Variants in RARB observed in about 807,000 individuals in gnomAD.
The protein encoded by RARB is retinoic acid receptor beta.
In RARB, 17 loss-of-function variants were observed where a neutral mutation model predicts 51.9. The observed-to-expected ratio is 0.33, with a 90% CI of 0.22 to 0.49. RARB has a LOEUF of 0.49. RARB is among the 20% of genes least tolerant of loss of function. The probability of loss-of-function intolerance (pLI) is 0.99; values close to 1 mark genes in which losing one functional copy is unlikely to be tolerated. For missense variants in RARB, 369 were observed against 550.8 expected, an observed-to-expected ratio of 0.67 and a Z score of 3.30; for synonymous variants, 215 against 195.4, an observed-to-expected ratio of 1.10 and a Z score of -0.84.
At chr3:25,203,895 C>T (rs966753356) in intron 5 of RARB, among the ~76,000 whole-genome samples, 7 of 152,116 alleles carry the variant, frequency 4.6e-5, no homozygotes, top group Non-Finnish European at 7.4e-5. Flanking sequence ...ATGAATCTGA[C>T]AATTATGTGT....
chr3:25,357,934 G>A (rs1197285992), intron 5 of RARB, among the ~76,000 whole-genome samples: 1 of 152,128 alleles, frequency 6.6e-6, no homozygotes, highest in Non-Finnish European at 1.5e-5. Context: ...TTTGAAGTCA[G>A]GTAGCATGAT....
intron 5 of RARB, among the ~76,000 whole-genome samples, chr3:25,365,199 CTTTTTTTTTT>C (rs3035063): frequency 1.3e-3 from 95 of 75,450 alleles, no homozygotes; most frequent in Non-Finnish European, 1.8e-3. Context: ...TTCTTTCTTT[CTTTTTTTTTT>C]TTTTTTTTTT....
At chr3:25,124,063 G>C (rs1456346886) in intron 3 of RARB, among the ~76,000 whole-genome samples, 1 of 152,158 alleles carries the variant, frequency 6.6e-6, no homozygotes, top group African/African-American at 2.4e-5. Context: ...GGGAGGGAGT[G>C]GAAAGGATGT....
chr3:25,141,635 A>G (rs771448317), intron 4 of RARB, among the ~76,000 whole-genome samples: 34 of 152,214 alleles, frequency 2.2e-4, no homozygotes, highest in East Asian at 1.9e-4. Flanking sequence ...CCATTTTCCA[A>G]TCTAGATATT....
intron 1 of RARB, among the ~76,000 whole-genome samples, chr3:25,438,941 C>T (rs1429017309): frequency 6.6e-6 from 1 of 152,180 alleles, no homozygotes; most frequent in Non-Finnish European, 1.5e-5. Context: ...CTATTTTACT[C>T]TTTTGCCCTT....
intron 1 of RARB, among the ~76,000 whole-genome samples, chr3:24,841,614 T>C (rs1020326127): frequency 6.6e-6 from 1 of 152,224 alleles, no homozygotes; most frequent in South Asian, 2.1e-4. Context: ...AAAAAACAAG[T>C]AGACCAACAG....
intron 2 of RARB, among the ~76,000 whole-genome samples, chr3:25,469,362 C>T (rs2125566021): frequency 6.6e-6 from 1 of 152,332 alleles, no homozygotes; most frequent in African/African-American, 2.4e-5. Flanking sequence ...GAACATGATG[C>T]TGTCTTTGGA....
rs1188925219 is a variant in RARB at position 24,987,259 on chromosome 3, T to G, written c.-379-72866T>G. ...AAAATCAACATCTGTTTTTTTTTTATTCCTTCTCCTCCACTTTTCATTAAA... is the reference window on the plus strand; with the variant it reads ...AAAATCAACATCTGTTTTTTTTTTAGTCCTTCTCCTCCACTTTTCATTAAA... On this transcript the variant is annotated intron_variant, in intron 2 of 11. Transcript: ENST00000383772. Among the ~76,000 whole-genome samples, 4 of 152,278 alleles carry G rather than the reference T, an allele frequency of 2.6e-5. No individual in the cohort carries two copies. In the East Asian group the frequency reaches 7.7e-4, roughly 29 times the overall value.
At chr3:25,067,331 C>T (rs1215986769) in intron 3 of RARB, among the ~76,000 whole-genome samples, 1 of 152,024 alleles carries the variant, frequency 6.6e-6, no homozygotes, top group Non-Finnish European at 1.5e-5. Flanking sequence ...TGAAAAGAAG[C>T]AGAGAAGTAC....
At position 25,597,423 on chromosome 3, in the gene RARB, A is replaced by C. The variant is rs188986088; in HGVS notation, c.*807A>C. 6.6e-5 allele frequency: 10 copies of C among 152,440 alleles called. No homozygotes were observed. The highest frequency in any genetic ancestry group is 2.4e-4 in the African/African-American group (10 of 41,412). The allele number at this position is 152,440 out of a possible 1,614,324, so 9.4% of individuals were successfully genotyped here. On this transcript the variant is annotated 3_prime_UTR_variant, in exon 8 of 8. Transcript: ENST00000330688. ...ATAACTACACAGTTAGTTAAAAAAA[A>C]TTTTTTTACAGTAATGATAGCCTCC...
intron 5 of RARB, among the ~76,000 whole-genome samples, chr3:25,221,524 C>T (rs572540311): frequency 6.6e-6 from 1 of 152,290 alleles, no homozygotes; most frequent in Admixed American, 6.5e-5. Flanking sequence ...TTCTCGCTTT[C>T]CTAGACTGAT....
At chr3:25,586,899 C>G (rs1044278218) in intron 5 of RARB, among the ~76,000 whole-genome samples, 2 of 152,222 alleles carry the variant, frequency 1.3e-5, no homozygotes. Flanking sequence ...CGAGGAGGCC[C>G]TGGGTCTCTC....
chr3:25,143,958 G>A (rs1291702129), intron 4 of RARB, among the ~76,000 whole-genome samples: 3 of 152,110 alleles, frequency 2.0e-5, no homozygotes, highest in South Asian at 2.1e-4. Flanking sequence ...AGCTCTAAGT[G>A]GGAGAAATCA....
chr3:25,459,870 A>G (rs1016746326), intron 1 of RARB, among the ~76,000 whole-genome samples: 2 of 152,156 alleles, frequency 1.3e-5, no homozygotes, highest in African/African-American at 4.8e-5. Flanking sequence ...AACCACTTTT[A>G]ATTCTCCTTC....
intron 3 of RARB, among the ~76,000 whole-genome samples, chr3:25,563,874 A>C (rs142438696): frequency 2.4e-4 from 37 of 152,260 alleles, no homozygotes; most frequent in African/African-American, 8.9e-4. Flanking sequence ...AAGAATAAAT[A>C]GACCATCATG....
intron 5 of RARB, among the ~76,000 whole-genome samples, chr3:25,421,684 G>A (rs763375808): frequency 3.3e-5 from 5 of 152,054 alleles, no homozygotes; most frequent in East Asian, 1.9e-4. Flanking sequence ...GATTACAGGC[G>A]TGAGCCACTG....
chr3:25,136,567 G>T (rs192381962), intron 4 of RARB, among the ~76,000 whole-genome samples: 27 of 152,140 alleles, frequency 1.8e-4, no homozygotes, highest in African/African-American at 6.0e-4. Context: ...ATGAAACAAT[G>T]CATCACTAAT....
intron 3 of RARB, among the ~76,000 whole-genome samples, chr3:25,128,056 G>A (rs905071562): frequency 6.6e-6 from 1 of 152,078 alleles, no homozygotes; most frequent in East Asian, 1.9e-4. Context: ...GTTGCCTAAG[G>A]CTGGAGTGGT....
At position 25,516,631 on chromosome 3, in the gene RARB, C is replaced by CTTTTTTTTTTTTTTTTTTTTTTTT. The variant is rs559135603; in HGVS notation, c.448+15321_448+15322insTTTTTTTTTTTTTTTTTTTTTTTT. On this transcript the variant is annotated intron_variant, in intron 3 of 7. Coordinates refer to ENST00000330688, the MANE Select transcript of RARB (RefSeq NM_000965.5). The stretch of plus-strand genomic sequence containing the variant: ...CAAAGGTTCATCTTTATTTCCTTGT[C>CTTTTTTTTTTTTTTTTTTTTTTTT]TTTTTTTTTTTTTGAGACAGGGTCA... 4.3e-4 allele frequency among the ~76,000 whole-genome samples: 56 copies of CTTTTTTTTTTTTTTTTTTTTTTTT among 131,670 alleles called. 3 individuals carry two copies. Among genetic ancestry groups the CTTTTTTTTTTTTTTTTTTTTTTTT allele is most frequent in the African/African-American group, 1.7e-3 (53 of 30,442 alleles). 86.4% of individuals were successfully genotyped at this position (131,670 alleles called of 152,430 possible). A position where few individuals can be genotyped will look rare whatever the true frequency, so the allele number is the denominator to read the frequency against.
Sources: allele counts gnomAD v4.1 joint callset (sites outside exome capture counted in the v4.1 genomes callset), GRCh38; gene constraint gnomAD v4.1.1; transcripts MANE v1.5; gene names NCBI Gene and HGNC (gene_info 2026-07-23, HGNC 2026-07-21).